The following SPIRE1 variants were observed in gnomAD, a reference collection of about 807,000 sequenced individuals.
SPIRE1 encodes the protein spire type actin nucleation factor 1.
In SPIRE1, 40 loss-of-function variants were observed where a neutral mutation model predicts 94.1. The observed-to-expected ratio is 0.43, with a 90% CI of 0.33 to 0.55. The LOEUF is 0.55. Ranked by LOEUF, SPIRE1 falls within the 20% of genes least tolerant of loss-of-function variation. The pLI, the probability that SPIRE1 is intolerant of heterozygous loss-of-function variation, is 0.06. For missense variants in SPIRE1, 838 were observed against 975.2 expected, an observed-to-expected ratio of 0.86 and a Z score of 1.87; for synonymous variants, 376 against 371.7, an observed-to-expected ratio of 1.01 and a Z score of -0.13.
At chr18:12,585,959 T>C (rs143430175) in intron 2 of SPIRE1, among the ~76,000 whole-genome samples, 3 of 152,294 alleles carry the variant, frequency 2.0e-5, no homozygotes, top group African/African-American at 7.2e-5. Context: ...TGTATGTATG[T>C]ATGTATTTAG....
chr18:12,463,377 G>C lies in SPIRE1; in HGVS notation c.1612C>G (p.Pro538Ala). 1 of 1,613,680 alleles carries C rather than the reference G, an allele frequency of 6.2e-7. No homozygotes were observed. The highest frequency in any genetic ancestry group is 1.1e-5 in the South Asian group (1 of 90,944). ...AGAGAGCGGGAACTCTGCCTGGAAG[G>C]CGGCAGGAACTGCCTCACGTTAGTA... Reference protein sequence around the residue: ...TPTNVRQFLPPSRQSSRSLEE... With the variant: ...TPTNVRQFLPASRQSSRSLEE... Residue 538 changes from proline (P) to alanine (A), a missense_variant, in exon 12 of 17, where the codon CCT becomes GCT. Pro to Ala is a conservative substitution (Grantham distance 27). Coordinates refer to ENST00000409402, the MANE Select transcript of SPIRE1 (RefSeq NM_001128626.2).
At chr18:12,482,209 C>A (rs1278495695) in intron 9 of SPIRE1, among the ~76,000 whole-genome samples, 1 of 152,200 alleles carries the variant, frequency 6.6e-6, no homozygotes, top group Non-Finnish European at 1.5e-5. Context: ...GTGGCGCGAT[C>A]TCAGCTCACT....
chr18:12,463,545 A>G, intron 11 of SPIRE1, 52 bp from the exon 12 acceptor site: 1 of 1,458,094 alleles, frequency 6.9e-7, no homozygotes, highest in Non-Finnish European at 9.5e-7. Flanking sequence ...TCTAACACAA[A>G]ACCTTTTGAC....
chr18:12,487,594 A>G (rs555565501), intron 8 of SPIRE1, among the ~76,000 whole-genome samples: 1 of 152,038 alleles, frequency 6.6e-6, no homozygotes, highest in South Asian at 2.1e-4. Flanking sequence ...GGGTTTCACC[A>G]TGTTGGCCAG....
chr18:12,584,416 C>G (rs1365363017), intron 2 of SPIRE1, among the ~76,000 whole-genome samples: 1 of 147,948 alleles, frequency 6.8e-6, no homozygotes, highest in Admixed American at 6.8e-5. Context: ...GGCAACAGAG[C>G]AAAACTCCAT....
chr18:12,526,708 T>G (rs1457813493), intron 4 of SPIRE1, among the ~76,000 whole-genome samples: 1 of 150,200 alleles, frequency 6.7e-6, no homozygotes, highest in Non-Finnish European at 1.5e-5. Context: ...TTTTATTTTT[T>G]TTAATTTAAT....
At chr18:12,641,370 T>C (rs1332083226) in intron 1 of SPIRE1, among the ~76,000 whole-genome samples, 3 of 118,524 alleles carry the variant, frequency 2.5e-5, no homozygotes, top group Non-Finnish European at 6.0e-5. Flanking sequence ...GAATTTCTTT[T>C]TTTCTTTTTT....
chr18:12,491,875 A>G (rs2033246245), intron 8 of SPIRE1, among the ~76,000 whole-genome samples: 1 of 152,222 alleles, frequency 6.6e-6, no homozygotes, highest in South Asian at 2.1e-4. Flanking sequence ...GGCTGAGAAG[A>G]GTAGAAGATT....
chr18:12,455,727 T>C (rs2031478187), intron 12 of SPIRE1, among the ~76,000 whole-genome samples: 1 of 152,186 alleles, frequency 6.6e-6, no homozygotes, highest in African/African-American at 2.4e-5. Flanking sequence ...TGTGGTGCAG[T>C]GACACTGAAA....
chr18:12,660,320 A>ATT (rs11433721), upstream of SPIRE1, among the ~76,000 whole-genome samples: 219 of 142,132 alleles, frequency 1.5e-3, 1 homozygote, highest in African/African-American at 3.7e-3. Flanking sequence ...AAAAAGATGC[A>ATT]TTTTTTTTTT....
intron 2 of SPIRE1, among the ~76,000 whole-genome samples, chr18:12,576,891 A>AC (rs71172102): frequency 4.9e-3 from 231 of 47,320 alleles, no homozygotes; most frequent in African/African-American, 0.011. Context: ...TCTGTTTCAC[A>AC]AAAAAAAAAA....
chr18:12,631,893 A>G (rs976596810), intron 2 of SPIRE1, among the ~76,000 whole-genome samples: 3 of 151,934 alleles, frequency 2.0e-5, no homozygotes, highest in South Asian at 2.1e-4. Flanking sequence ...AAAAAATAAA[A>G]AACTGTCCAG....
In SPIRE1 at chr18:12,539,918, C is replaced by A. The variant is rs549459643; in HGVS notation, c.604-4317G>T. On this transcript the variant is annotated intron_variant, in intron 3 of 16. Coordinates refer to ENST00000409402, the MANE Select transcript of SPIRE1 (RefSeq NM_001128626.2). ...CTCCAGCCTGGGCAACAGAGAGAGA[C>A]TCTGTCTTAAAAAAAAAAAAAAAAG... 1.3e-3 allele frequency among the ~76,000 whole-genome samples: 178 copies of A among 141,294 alleles called. 2 individuals carry two copies. The highest frequency in any genetic ancestry group is 3.6e-3 in the Admixed American group (50 of 13,728). 92.7% of individuals were successfully genotyped at this position (141,294 alleles called of 152,430 possible). A position where few individuals can be genotyped will look rare whatever the true frequency, so the allele number is the denominator to read the frequency against.
chr18:12,496,660 G>A (rs926474511), intron 6 of SPIRE1, among the ~76,000 whole-genome samples: 1 of 152,194 alleles, frequency 6.6e-6, no homozygotes, highest in African/African-American at 2.4e-5. Context: ...ACAAGGTCAG[G>A]AGATCGAGAC....
At chr18:12,463,072 TA>T (rs2031932997) in intron 12 of SPIRE1, among the ~76,000 whole-genome samples, 2 of 152,158 alleles carry the variant, frequency 1.3e-5, no homozygotes, top group African/African-American at 4.8e-5. Flanking sequence ...TAATTATTAT[TA>T]TTTTTTTTTG....
rs567858091 is a variant in SPIRE1, at chr18:12,510,697, C to T, written c.807+1757G>A. On this transcript the variant is annotated intron_variant, in intron 5 of 16. Coordinates refer to ENST00000409402, the MANE Select transcript of SPIRE1 (RefSeq NM_001128626.2). Reference sequence around the variant, plus strand: ...AGGTGGGATTACAGGTGTGCACCACCACACCTGGCTAATTTTTGTATTTTT... The same window carrying T: ...AGGTGGGATTACAGGTGTGCACCACTACACCTGGCTAATTTTTGTATTTTT... Among the ~76,000 whole-genome samples the T allele has an allele frequency of 1.2e-3, 181 of 152,178 alleles. 1 individual carries two copies. The highest frequency in any genetic ancestry group is 3.9e-3 in the African/African-American group (161 of 41,526).
intron 4 of SPIRE1, among the ~76,000 whole-genome samples, chr18:12,514,122 G>T (rs1383664086): frequency 6.6e-6 from 1 of 152,138 alleles, no homozygotes; most frequent in East Asian, 1.9e-4. Flanking sequence ...TTATAGCCTT[G>T]AGTCACCACA....
intron 1 of SPIRE1, among the ~76,000 whole-genome samples, chr18:12,644,358 A>G (rs1213626838): frequency 6.6e-6 from 1 of 152,170 alleles, no homozygotes; most frequent in East Asian, 1.9e-4. Context: ...GTCTCAGATG[A>G]AATGTGTTCC....
At chr18:12,450,789 C>T (rs1598879318) in intron 16 of SPIRE1, 3 of 725,590 alleles carry the variant, frequency 4.1e-6, no homozygotes, top group East Asian at 5.1e-5. Context: ...TTCATAAACC[C>T]TGGCATCTCT....
Sources: allele counts gnomAD v4.1 joint callset (sites outside exome capture counted in the v4.1 genomes callset), GRCh38; gene constraint gnomAD v4.1.1; transcripts MANE v1.5; gene names NCBI Gene and HGNC (gene_info 2026-07-23, HGNC 2026-07-21).